The following SCML4 variants were observed in gnomAD, a reference collection of about 807,000 sequenced individuals.
SCML4 encodes the protein Scm polycomb group protein like 4, also known as sex comb on midleg-like protein 4.
SCML4 carries 34 observed loss-of-function variants against 41.1 expected under a neutral mutation model. The observed-to-expected ratio is 0.83, with a 90% confidence interval of 0.63 to 1.10. The LOEUF is 1.10. Ranked by LOEUF, SCML4 falls within the 50% of genes least tolerant of loss-of-function variation. SCML4 has a pLI of 0.00. For missense variants in SCML4, 522 were observed against 534.1 expected, an observed-to-expected ratio of 0.98 and a Z score of 0.22; for synonymous variants, 214 against 220.9, an observed-to-expected ratio of 0.97 and a Z score of 0.28.
chr6:107,805,687 A>C (rs1303527944), intron 1 of SCML4, among the ~76,000 whole-genome samples: 1 of 152,148 alleles, frequency 6.6e-6, no homozygotes, highest in East Asian at 1.9e-4. Flanking sequence ...TAGAACTATA[A>C]ATTTTCCAAC....
intron 1 of SCML4, among the ~76,000 whole-genome samples, chr6:107,791,502 A>G (rs9486701): frequency 0.083 from 12,574 of 152,228 alleles, 1,634 homozygotes; most frequent in African/African-American, 0.28. Context: ...AGAGCAGAGA[A>G]GGGCATATTT....
At chr6:107,830,452 G>A in the SCML4 span, among the ~76,000 whole-genome samples, 2 of 152,218 alleles carry the variant, frequency 1.3e-5, no homozygotes, top group African/African-American at 2.4e-5. Context: ...GTGAGGGCAG[G>A]TGACTGACAG....
chr6:107,823,155 T>C (rs1785070788), intron 1 of SCML4, among the ~76,000 whole-genome samples: 1 of 152,212 alleles, frequency 6.6e-6, no homozygotes, highest in Admixed American at 6.5e-5. Context: ...AGTACTGTAG[T>C]GTCTGAGATC....
intron 1 of SCML4, among the ~76,000 whole-genome samples, chr6:107,813,098 C>T (rs375406888): frequency 8.6e-5 from 13 of 151,832 alleles, no homozygotes; most frequent in African/African-American, 3.1e-4. Flanking sequence ...CATGGTGGCT[C>T]ATGCTTATAG....
At chr6:107,747,567 C>A (rs1778255215) in intron 3 of SCML4, among the ~76,000 whole-genome samples, 1 of 150,120 alleles carries the variant, frequency 6.7e-6, no homozygotes, top group South Asian at 2.1e-4. Flanking sequence ...GAATTTTTTA[C>A]AGGAAAGTAT....
intron 5 of SCML4, among the ~76,000 whole-genome samples, chr6:107,744,747 C>T (rs951253549): frequency 6.6e-6 from 1 of 152,250 alleles, no homozygotes; most frequent in African/African-American, 2.4e-5. Flanking sequence ...CCACTTCCCT[C>T]TGCAGCCTGG....
chr6:107,759,286 C>A (rs115053741), intron 2 of SCML4, among the ~76,000 whole-genome samples: 2,864 of 151,992 alleles, frequency 0.019, 75 homozygotes, highest in African/African-American at 0.065. Flanking sequence ...GCCGAGATTG[C>A]GCCACTGCAC....
intron 1 of SCML4, among the ~76,000 whole-genome samples, chr6:107,800,964 G>A (rs945779896): frequency 2.6e-5 from 4 of 152,232 alleles, no homozygotes; most frequent in East Asian, 1.9e-4. Flanking sequence ...ACAAGAGTCC[G>A]AATCTTAACC....
intron 2 of SCML4, among the ~76,000 whole-genome samples, chr6:107,768,146 A>G (rs1780225211): frequency 6.6e-6 from 1 of 151,438 alleles, no homozygotes; most frequent in Non-Finnish European, 1.5e-5. Flanking sequence ...GGTGACGTGC[A>G]TCTGTATTCC....
At chr6:107,837,578 C>T in the SCML4 span, among the ~76,000 whole-genome samples, 1 of 152,180 alleles carries the variant, frequency 6.6e-6, no homozygotes, top group Non-Finnish European at 1.5e-5. Context: ...AGACAGGTCA[C>T]CCAACAGCCT....
chr6:107,802,857 C>A (rs1323660454), intron 1 of SCML4, among the ~76,000 whole-genome samples: 13 of 151,998 alleles, frequency 8.6e-5, no homozygotes, highest in Admixed American at 2.6e-4. Context: ...GATTCTCCTG[C>A]CTCAGCCTGC....
chr6:107,832,982 G>C, the SCML4 span, among the ~76,000 whole-genome samples: 3 of 152,182 alleles, frequency 2.0e-5, no homozygotes, highest in Non-Finnish European at 4.4e-5. Flanking sequence ...GACAAGCCAG[G>C]GGCCAGGACC....
At position 107,804,342 on chromosome 6, in the gene SCML4, T is replaced by C. The variant is rs1428510306; in HGVS notation, c.-60+19784A>G. On this transcript the variant is annotated intron_variant, in intron 1 of 7. Coordinates refer to ENST00000369020, the MANE Select transcript of SCML4 (RefSeq NM_198081.5). ...GCCCTGGCAGGATGCCCATAGTTAC[T>C]GGAGGCCAGGCCCCAAGGCCAGGCC... Among the ~76,000 whole-genome samples, 6 of 152,110 alleles carry C rather than the reference T, an allele frequency of 3.9e-5. 1 individual carries two copies. The East Asian group carries it at 1.2e-3, about 29-fold the overall frequency.
intron 2 of SCML4, among the ~76,000 whole-genome samples, chr6:107,753,088 A>G (rs969518912): frequency 3.3e-5 from 5 of 152,290 alleles, no homozygotes; most frequent in South Asian, 2.1e-4. Context: ...TTGCCCCACA[A>G]TGCGATACCA....
intron 2 of SCML4, among the ~76,000 whole-genome samples, chr6:107,768,159 A>G (rs956503928): frequency 2.6e-5 from 4 of 151,292 alleles, no homozygotes; most frequent in African/African-American, 9.7e-5. Context: ...TGTATTCCCC[A>G]CAACTCAATT....
chr6:107,755,834 A>G (rs1779065314), intron 2 of SCML4, among the ~76,000 whole-genome samples: 1 of 152,200 alleles, frequency 6.6e-6, no homozygotes, highest in Non-Finnish European at 1.5e-5. Flanking sequence ...AGCCTAGAGC[A>G]TCTTGTAATG....
chr6:107,834,416 C>T, the SCML4 span, among the ~76,000 whole-genome samples: 2 of 152,202 alleles, frequency 1.3e-5, no homozygotes, highest in African/African-American at 4.8e-5. Flanking sequence ...CTGGCTCTCT[C>T]ACTGCCAGAC....
intron 7 of SCML4, 32 bp downstream of exon 7, chr6:107,707,834 C>G: frequency 6.5e-7 from 1 of 1,550,330 alleles, no homozygotes; most frequent in Non-Finnish European, 8.7e-7. Flanking sequence ...CTCCCTCAAT[C>G]CCCCCCAAGG....
At chr6:107,761,377 T>C (rs911403089) in intron 2 of SCML4, among the ~76,000 whole-genome samples, 1 of 150,808 alleles carries the variant, frequency 6.6e-6, no homozygotes, top group African/African-American at 2.4e-5. Context: ...AACACCCTAA[T>C]AAGCTAGAAA....
Sources: allele counts gnomAD v4.1 joint callset (sites outside exome capture counted in the v4.1 genomes callset), GRCh38; gene constraint gnomAD v4.1.1; transcripts MANE v1.5; gene names NCBI Gene and HGNC (gene_info 2026-07-23, HGNC 2026-07-21).